The following ASTN2 variants were observed in gnomAD, a reference collection of about 807,000 sequenced individuals.
ASTN2 encodes astrotactin 2, also known as astrotactin-2.
Under a neutral mutation model 139.8 loss-of-function variants are expected in ASTN2, and 54 were observed. The ratio of observed to expected loss-of-function variants is 0.39; its 90% confidence interval spans 0.31 to 0.48. ASTN2 has a LOEUF of 0.48. Ranked by LOEUF, ASTN2 falls within the 20% of genes least tolerant of loss-of-function variation. The pLI, the probability that ASTN2 is intolerant of heterozygous loss-of-function variation, is 0.95. For missense variants in ASTN2, 1,565 were observed against 1,725.1 expected (o/e 0.91, Z 1.64); for synonymous variants, 756 against 719.5 (o/e 1.05, Z -0.81).
intron 11 of ASTN2, among the ~76,000 whole-genome samples, chr9:116,831,837 C>T (rs1831823613): frequency 6.6e-6 from 1 of 152,070 alleles, no homozygotes; most frequent in South Asian, 2.1e-4. Flanking sequence ...TTATATTAAA[C>T]CTTTATATCA....
At chr9:116,865,556 G>A (rs1039680133) in intron 10 of ASTN2, among the ~76,000 whole-genome samples, 1 of 151,686 alleles carries the variant, frequency 6.6e-6, no homozygotes, top group African/African-American at 2.4e-5. Flanking sequence ...AGCTGAGAAG[G>A]CCCTTTATGG....
intron 1 of ASTN2, among the ~76,000 whole-genome samples, chr9:117,319,822 C>T (rs538645335): frequency 6.6e-6 from 1 of 151,872 alleles, no homozygotes; most frequent in East Asian, 1.9e-4. Flanking sequence ...AAAATGAGGC[C>T]AAGAGATCTG....
At chr9:117,217,650 A>G (rs545202141) in intron 2 of ASTN2, among the ~76,000 whole-genome samples, 92 of 152,320 alleles carry the variant, frequency 6.0e-4, no homozygotes, top group African/African-American at 2.1e-3. Flanking sequence ...TTAAACAAGG[A>G]CAAGAGTCAT....
chr9:116,510,187 G>C (rs1374544792), intron 19 of ASTN2, among the ~76,000 whole-genome samples: 1 of 152,136 alleles, frequency 6.6e-6, no homozygotes, highest in African/African-American at 2.4e-5. Context: ...TTTTGTATAA[G>C]GTGTAAGGAA....
chr9:116,519,849 A>G (rs1850795672), intron 19 of ASTN2, among the ~76,000 whole-genome samples: 1 of 152,110 alleles, frequency 6.6e-6, no homozygotes, highest in South Asian at 2.1e-4. Context: ...ACAAAAACAC[A>G]AAGGATTATT....
chr9:116,987,349 G>T (rs1394751703), intron 7 of ASTN2, among the ~76,000 whole-genome samples: 1 of 152,216 alleles, frequency 6.6e-6, no homozygotes, highest in Admixed American at 6.5e-5. Context: ...GCTCATGTGG[G>T]CAACCCATGT....
intron 14 of ASTN2, among the ~76,000 whole-genome samples, chr9:116,729,606 G>A (rs1199521997): frequency 6.6e-6 from 1 of 152,208 alleles, no homozygotes; most frequent in African/African-American, 2.4e-5. Flanking sequence ...TGACAGCAGA[G>A]TTGAGCAGTT....
At chr9:117,258,001 T>C (rs1020173039) in intron 2 of ASTN2, among the ~76,000 whole-genome samples, 29 of 152,198 alleles carry the variant, frequency 1.9e-4, no homozygotes, top group Admixed American at 1.5e-3. Context: ...GGTCCCCTTG[T>C]CACTGCTCAA....
At chr9:116,675,894 A>G (rs1859470853) in intron 16 of ASTN2, among the ~76,000 whole-genome samples, 1 of 152,202 alleles carries the variant, frequency 6.6e-6, no homozygotes, top group Non-Finnish European at 1.5e-5. Flanking sequence ...AGGGACCAAC[A>G]GGGAAAAAGT....
chr9:116,912,277 AC>A (rs1443656193), intron 10 of ASTN2, among the ~76,000 whole-genome samples: 1 of 152,248 alleles, frequency 6.6e-6, no homozygotes, highest in African/African-American at 2.4e-5. Context: ...TCTGTCTCAA[AC>A]TTTTGGCTTC....
intron 4 of ASTN2, among the ~76,000 whole-genome samples, chr9:117,128,472 A>AATCG (rs1564440355): frequency 6.6e-6 from 1 of 151,382 alleles, no homozygotes; most frequent in Non-Finnish European, 1.5e-5. Context: ...CTATAAGGGC[A>AATCG]ATTGGGGAGG....
chr9:117,411,252 T>C (rs1831151650), intron 1 of ASTN2, among the ~76,000 whole-genome samples: 1 of 152,152 alleles, frequency 6.6e-6, no homozygotes, highest in African/African-American at 2.4e-5. Context: ...AAGGATTCAA[T>C]AACTATTTGC....
At chr9:116,978,186 C>T (rs544224526) in intron 7 of ASTN2, among the ~76,000 whole-genome samples, 1 of 152,232 alleles carries the variant, frequency 6.6e-6, no homozygotes, top group South Asian at 2.1e-4. Flanking sequence ...GTGATACATA[C>T]ACAATTTTCA....
intron 2 of ASTN2, among the ~76,000 whole-genome samples, chr9:117,285,081 T>C (rs1834414971): frequency 6.6e-6 from 1 of 152,210 alleles, no homozygotes; most frequent in Non-Finnish European, 1.5e-5. Context: ...ATTACTCAGT[T>C]ATTATTTCTA....
intron 5 of ASTN2, among the ~76,000 whole-genome samples, chr9:117,059,979 G>C (rs906420324): frequency 6.6e-6 from 1 of 152,036 alleles, no homozygotes; most frequent in African/African-American, 2.4e-5. Context: ...AATATTTAGG[G>C]ATGTTGCATG....
At chr9:116,710,479 A>G (rs1178688346) in intron 16 of ASTN2, among the ~76,000 whole-genome samples, 3 of 143,434 alleles carry the variant, frequency 2.1e-5, no homozygotes, top group African/African-American at 8.2e-5. Context: ...GCCTGTAATC[A>G]CAGCATTTTG....
chr9:117,254,116 A>G (rs898889073), intron 2 of ASTN2, among the ~76,000 whole-genome samples: 3 of 152,114 alleles, frequency 2.0e-5, no homozygotes, highest in Non-Finnish European at 4.4e-5. Context: ...AATGACTCCA[A>G]CTATGCGAGC....
intron 11 of ASTN2, among the ~76,000 whole-genome samples, chr9:116,827,164 C>A (rs1490790604): frequency 6.6e-6 from 1 of 151,670 alleles, no homozygotes; most frequent in Admixed American, 6.6e-5. Flanking sequence ...ACAAAATTAG[C>A]CGGGTGCGGT....
intron 7 of ASTN2, among the ~76,000 whole-genome samples, chr9:117,006,898 T>C (rs1837368475): frequency 6.6e-6 from 1 of 152,074 alleles, no homozygotes; most frequent in Non-Finnish European, 1.5e-5. Flanking sequence ...GGGCGGATCA[T>C]GAAGTCAGGA....
Sources: allele counts gnomAD v4.1 joint callset (sites outside exome capture counted in the v4.1 genomes callset), GRCh38; gene constraint gnomAD v4.1.1; transcripts MANE v1.5; gene names NCBI Gene and HGNC (gene_info 2026-07-23, HGNC 2026-07-21).